The following EPHA6 variants were observed in gnomAD, a reference collection of about 807,000 sequenced individuals.
EPHA6 encodes the protein ephrin type-A receptor 6.
In EPHA6, 50 loss-of-function variants were observed where a neutral mutation model predicts 112.0. That is an observed-to-expected ratio of 0.45 (90% CI 0.36 to 0.56). EPHA6 has a LOEUF of 0.56. Ranked by LOEUF, EPHA6 falls within the 20% of genes least tolerant of loss-of-function variation. The pLI is 0.00. For missense variants in EPHA6, 1,280 were observed against 1,417.4 expected (o/e 0.90, Z 1.56); for synonymous variants, 529 against 490.7 (o/e 1.08, Z -1.03).
At chr3:96,883,541 G>A (rs539527946) in intron 2 of EPHA6, among the ~76,000 whole-genome samples, 1 of 152,240 alleles carries the variant, frequency 6.6e-6, no homozygotes, top group East Asian at 1.9e-4. Context: ...AATTTTTATA[G>A]TTTCAGGTCT....
chr3:97,324,410 TTTC>T (rs1387275839), intron 5 of EPHA6, among the ~76,000 whole-genome samples: 1 of 99,514 alleles, frequency 1.0e-5, no homozygotes, highest in Admixed American at 1.1e-4. Context: ...CCTTCTTTTC[TTTC>T]TTTCTTTCTT....
At chr3:97,322,319 C>T (rs1314439129) in intron 5 of EPHA6, among the ~76,000 whole-genome samples, 4 of 151,944 alleles carry the variant, frequency 2.6e-5, no homozygotes, top group African/African-American at 4.8e-5. Flanking sequence ...AATTACATTT[C>T]GTCATTCCTA....
intron 10 of EPHA6, among the ~76,000 whole-genome samples, chr3:97,521,571 G>T (rs1385846433): frequency 6.6e-6 from 1 of 152,100 alleles, no homozygotes; most frequent in Non-Finnish European, 1.5e-5. Flanking sequence ...AGAACTTACT[G>T]TCTATCATGA....
At chr3:97,564,103 GA>G (rs1046577274) in intron 11 of EPHA6, among the ~76,000 whole-genome samples, 12 of 152,044 alleles carry the variant, frequency 7.9e-5, no homozygotes, top group Admixed American at 6.6e-4. Flanking sequence ...TAATTAGGGG[GA>G]AAACTAAAAA....
chr3:97,423,300 A>G (rs1439688761), intron 6 of EPHA6, among the ~76,000 whole-genome samples: 1 of 152,232 alleles, frequency 6.6e-6, no homozygotes, highest in African/African-American at 2.4e-5. Flanking sequence ...AAAAATTTCA[A>G]CAACTTTCAG....
chr3:97,198,029 C>T (rs942444479), intron 3 of EPHA6, among the ~76,000 whole-genome samples: 1 of 152,088 alleles, frequency 6.6e-6, no homozygotes, highest in Non-Finnish European at 1.5e-5. Flanking sequence ...CTCTCAGCAC[C>T]ATGAGCCCCC....
At chr3:97,059,976 C>G (rs1241155218) in intron 3 of EPHA6, among the ~76,000 whole-genome samples, 5 of 151,768 alleles carry the variant, frequency 3.3e-5, no homozygotes, top group African/African-American at 1.2e-4. Context: ...CAAAAATTAG[C>G]CAGGTGTGGT....
At chr3:97,364,712 C>A (rs1032934171) in intron 5 of EPHA6, among the ~76,000 whole-genome samples, 1 of 151,868 alleles carries the variant, frequency 6.6e-6, no homozygotes, top group African/African-American at 2.4e-5. Flanking sequence ...ATAAAAAAGT[C>A]CTATTTAAAT....
chr3:97,188,748 A>C (rs2077222876), intron 3 of EPHA6, among the ~76,000 whole-genome samples: 2 of 151,990 alleles, frequency 1.3e-5, no homozygotes. Flanking sequence ...TAAGTAAAAA[A>C]ATCATTTAGA....
intron 10 of EPHA6, among the ~76,000 whole-genome samples, chr3:97,487,422 G>A (rs762101601): frequency 2.0e-5 from 3 of 152,154 alleles, no homozygotes; most frequent in Non-Finnish European, 4.4e-5. Context: ...ACTGAACAAT[G>A]TTTGTTAGAT....
At chr3:97,164,193 G>C (rs895035346) in intron 3 of EPHA6, among the ~76,000 whole-genome samples, 2 of 152,142 alleles carry the variant, frequency 1.3e-5, no homozygotes, top group African/African-American at 4.8e-5. Context: ...ATAAGTAGTG[G>C]AATAGGAGTA....
At chr3:96,857,641 G>T (rs1455812090) in intron 1 of EPHA6, among the ~76,000 whole-genome samples, 1 of 151,416 alleles carries the variant, frequency 6.6e-6, no homozygotes, top group Non-Finnish European at 1.5e-5. Context: ...TATGACAACT[G>T]GTTGTCTTAA....
At chr3:97,709,350 T>C (rs548025077) in intron 14 of EPHA6, among the ~76,000 whole-genome samples, 19 of 152,234 alleles carry the variant, frequency 1.2e-4, no homozygotes, top group Non-Finnish European at 2.8e-4. Context: ...GACTGCCCTG[T>C]TGGGTTTCAG....
chr3:97,287,576 T>C (rs2080517915), intron 5 of EPHA6, among the ~76,000 whole-genome samples: 1 of 152,184 alleles, frequency 6.6e-6, no homozygotes, highest in Non-Finnish European at 1.5e-5. Flanking sequence ...AGGTATGTTG[T>C]TTATGAGCCA....
At chr3:97,645,833 C>T (rs751004801) in intron 14 of EPHA6, among the ~76,000 whole-genome samples, 17 of 151,974 alleles carry the variant, frequency 1.1e-4, no homozygotes, top group African/African-American at 4.1e-4. Context: ...ATGATTTTGA[C>T]TTTTTCTCTT....
intron 3 of EPHA6, among the ~76,000 whole-genome samples, chr3:97,116,867 G>T (rs910448601): frequency 1.3e-5 from 2 of 151,478 alleles, no homozygotes; most frequent in Non-Finnish European, 3.0e-5. Context: ...GGGATTGCTG[G>T]ATCATATGGT....
At chr3:97,158,033 C>T (rs2076329490) in intron 3 of EPHA6, among the ~76,000 whole-genome samples, 1 of 152,084 alleles carries the variant, frequency 6.6e-6, no homozygotes, top group South Asian at 2.1e-4. Flanking sequence ...CAAAAAAAGA[C>T]AATAACAAGG....
chr3:97,668,962 T>C (rs1239533215), intron 14 of EPHA6, among the ~76,000 whole-genome samples: 1 of 104,764 alleles, frequency 9.5e-6, no homozygotes, highest in Non-Finnish European at 2.0e-5. Flanking sequence ...AGTCAGCCAA[T>C]GAAAATCCTT....
intron 2 of EPHA6, among the ~76,000 whole-genome samples, chr3:96,922,482 A>G (rs774744735): frequency 3.7e-4 from 56 of 152,270 alleles, no homozygotes; most frequent in Non-Finnish European, 6.0e-4. Flanking sequence ...AAAAATTGTC[A>G]GTTTTATTAC....
Sources: gnomAD v4.1 joint callset for allele counts (sites outside exome capture counted in the v4.1 genomes callset) on GRCh38, gnomAD v4.1.1 for gene constraint, MANE v1.5 for transcripts, NCBI Gene and HGNC (gene_info 2026-07-23, HGNC 2026-07-21) for gene names.